The following DNAJC13 variants were observed in gnomAD, a reference collection of about 807,000 sequenced individuals.
DNAJC13 encodes the protein DnaJ heat shock protein family (Hsp40) member C13.
In DNAJC13, 75 loss-of-function variants were observed where a neutral mutation model predicts 290.5. That is an observed-to-expected ratio of 0.26 (90% CI 0.21 to 0.31). The LOEUF (loss-of-function observed/expected upper bound fraction) is 0.31, where lower values mean the gene tolerates loss of function less well. Among genes scored for constraint, DNAJC13 ranks in the 10% least tolerant of loss-of-function variants. The pLI is 1.00. For missense variants in DNAJC13, 2,260 were observed against 2,674.5 expected (o/e 0.85, Z 3.42); for synonymous variants, 862 against 892.0 (o/e 0.97, Z 0.60).
rs557153142 is a variant in DNAJC13, at chr3:132,459,516, A to G, written c.1450-734A>G. 7.9e-5 allele frequency among the ~76,000 whole-genome samples: 12 copies of G among 152,244 alleles called. No homozygotes were observed. The South Asian group carries it at 2.3e-3, about 29-fold the overall frequency. On this transcript the variant is annotated intron_variant, in intron 13 of 55. Coordinates refer to ENST00000260818, the MANE Select transcript of DNAJC13 (RefSeq NM_015268.4). Reference sequence around the variant, plus strand: ...CGATGGGTGGTGGTGATGGTTGCCCAACAATGTGAATGCTTAATGCCACTG... The same window carrying G: ...CGATGGGTGGTGGTGATGGTTGCCCGACAATGTGAATGCTTAATGCCACTG...
At chr3:132,471,821 G>A (rs561176437) in intron 20 of DNAJC13, among the ~76,000 whole-genome samples, 2 of 147,448 alleles carry the variant, frequency 1.4e-5, no homozygotes, top group African/African-American at 4.9e-5. Flanking sequence ...AGGCAGAGAC[G>A]GTCATCACTT....
intron 20 of DNAJC13, among the ~76,000 whole-genome samples, chr3:132,467,654 A>G (rs1934044794): frequency 6.6e-6 from 1 of 151,934 alleles, no homozygotes; most frequent in African/African-American, 2.4e-5. Context: ...TTTAGTAGAG[A>G]TGGGGTTTCA....
At chr3:132,479,466 A>G (rs193061714) in intron 25 of DNAJC13, among the ~76,000 whole-genome samples, 177 bp downstream of exon 25, 3 of 152,294 alleles carry the variant, frequency 2.0e-5, no homozygotes, top group East Asian at 3.9e-4. Flanking sequence ...TATTCCCTGT[A>G]TAGTCTGTCT....
At chr3:132,537,134 C>T (rs1227768010) in intron 55 of DNAJC13, 2 of 456,170 alleles carry the variant, frequency 4.4e-6, no homozygotes, top group Admixed American at 2.3e-5. Flanking sequence ...TCCCTTGCTG[C>T]TTATATTTCT....
intron 6 of DNAJC13, 111 bp from the exon 7 acceptor site, chr3:132,453,186 AC>A: frequency 1.1e-6 from 1 of 888,264 alleles, no homozygotes; most frequent in African/African-American, 1.7e-5. Flanking sequence ...TCTAATACCT[AC>A]CTCTTTTTTC....
chr3:132,483,193 T>G (rs534475595), intron 27 of DNAJC13, among the ~76,000 whole-genome samples, 182 bp from the exon 28 acceptor site: 57 of 151,174 alleles, frequency 3.8e-4, no homozygotes, highest in Middle Eastern at 3.5e-3. Flanking sequence ...GGTTTTTTGG[T>G]TTTTTTTTGT....
intron 1 of DNAJC13, among the ~76,000 whole-genome samples, chr3:132,430,945 C>T (rs2107646163): frequency 6.6e-6 from 1 of 152,290 alleles, no homozygotes; most frequent in Admixed American, 6.5e-5. Flanking sequence ...TACTCACTAG[C>T]AGGAAGATGT....
chr3:132,527,453 A>G (rs1321166930), intron 53 of DNAJC13, among the ~76,000 whole-genome samples: 2 of 152,324 alleles, frequency 1.3e-5, no homozygotes, highest in South Asian at 2.1e-4. Flanking sequence ...GAGATACTGG[A>G]TGCTCTAAGG....
intron 5 of DNAJC13, among the ~76,000 whole-genome samples, chr3:132,450,142 C>T (rs1253607864): frequency 6.6e-6 from 1 of 151,470 alleles, no homozygotes; most frequent in Non-Finnish European, 1.5e-5. Context: ...AGGTCAAATA[C>T]AGGCCTCAGC....
At chr3:132,490,693 T>C (rs989771104) in intron 31 of DNAJC13, among the ~76,000 whole-genome samples, 1 of 152,178 alleles carries the variant, frequency 6.6e-6, no homozygotes, top group African/African-American at 2.4e-5. Context: ...GGTTCTGCCT[T>C]AGAGCTCATG....
At chr3:132,467,454 T>A (rs1475450103) in intron 20 of DNAJC13, 141 bp downstream of exon 20, 5 of 743,348 alleles carry the variant, frequency 6.7e-6, no homozygotes, top group Admixed American at 3.2e-5. Flanking sequence ...CTAATTTCTT[T>A]CTTTTTTATT....
At position 132,446,458 on chromosome 3, in the gene DNAJC13, C is replaced by T. The variant is rs372588393; in HGVS notation, c.69-17C>T. The T allele has an allele frequency of 2.8e-4, 441 of 1,584,992 alleles. No homozygotes were observed. The highest frequency in any genetic ancestry group is 3.7e-4 in the Non-Finnish European group (427 of 1,166,356). Reference sequence around the variant, plus strand: ...TTTTGTTTAAAACTAAATTTAAGCACTTGTTTTCCTTTGTAGGTATAAGCG... The same window carrying T: ...TTTTGTTTAAAACTAAATTTAAGCATTTGTTTTCCTTTGTAGGTATAAGCG... On this transcript the variant is annotated splice_polypyrimidine_tract_variant and intron_variant, in intron 2 of 55. Coordinates refer to ENST00000260818, the MANE Select transcript of DNAJC13 (RefSeq NM_015268.4).
chr3:132,456,050 A>T (rs1006902312), intron 9 of DNAJC13, among the ~76,000 whole-genome samples, 185 bp from the exon 10 acceptor site: 1 of 152,236 alleles, frequency 6.6e-6, no homozygotes, highest in Non-Finnish European at 1.5e-5. Context: ...GTACAAGGTC[A>T]TGTAGCAGCA....
chr3:132,435,413 A>G (rs1939360706), intron 2 of DNAJC13, among the ~76,000 whole-genome samples: 1 of 152,206 alleles, frequency 6.6e-6, no homozygotes, highest in Non-Finnish European at 1.5e-5. Flanking sequence ...GCACAAAGCC[A>G]GTAAGTGTTT....
chr3:132,482,398 C>T (rs981944886), intron 27 of DNAJC13, 68 bp downstream of exon 27: 29 of 1,239,768 alleles, frequency 2.3e-5, no homozygotes, highest in Non-Finnish European at 2.9e-5. Flanking sequence ...TTAGCACTTA[C>T]AGAGGCGTGG....
At position 132,460,270 on chromosome 3, in the gene DNAJC13, C is replaced by G. The variant is rs1396305295; in HGVS notation, c.1470C>G (p.Asp490Glu). 1.2e-6 allele frequency: 2 copies of G among 1,607,128 alleles called. No individual in the cohort carries two copies. The highest frequency in any genetic ancestry group is 1.7e-6 in the Non-Finnish European group (2 of 1,175,698). Residue 490 changes from aspartate to glutamate, a missense_variant, in exon 14 of 56, where the codon GAC becomes GAG. By Grantham distance (45) the Asp-to-Glu change is conservative. This residue lies in a region of DNAJC13 where 762 missense variants were observed against 964.1 expected (regional missense o/e 0.79). Coordinates refer to ENST00000260818, the MANE Select transcript of DNAJC13 (RefSeq NM_015268.4). The part of the protein sequence containing the change: ...ALMCPMHDDY[D>E]LRQEQLNKAS... The stretch of plus-strand genomic sequence containing the variant: ...AATAGCCCATGCATGATGACTATGA[C>G]TTAAGACAAGAACAGTTGAACAAAG...
intron 45 of DNAJC13, 45 bp downstream of exon 45, chr3:132,513,144 AC>A (rs762348147): frequency 2.0e-6 from 3 of 1,474,286 alleles, no homozygotes; most frequent in Middle Eastern, 1.7e-4. Context: ...CCTACCACTT[AC>A]CATGTGTAAT....
intron 29 of DNAJC13, among the ~76,000 whole-genome samples, chr3:132,487,598 C>T (rs1000712448): frequency 7.2e-5 from 9 of 125,364 alleles, no homozygotes; most frequent in African/African-American, 3.2e-4. Flanking sequence ...CATTTGACCC[C>T]GAATTGAGGA....
intron 39 of DNAJC13, among the ~76,000 whole-genome samples, chr3:132,501,867 A>G (rs1310006434): frequency 6.6e-6 from 1 of 152,218 alleles, no homozygotes. Context: ...TACTATATCT[A>G]CTTAATGTCC....
Sources: gnomAD v4.1 joint callset for allele counts (sites outside exome capture counted in the v4.1 genomes callset) on GRCh38, gnomAD v4.1.1 for gene constraint, gnomAD v4.1.1 regional missense constraint, MANE v1.5 for transcripts, NCBI Gene and HGNC (gene_info 2026-07-23, HGNC 2026-07-21) for gene names.